Variants in IPMK observed in about 807,000 individuals in gnomAD.
IPMK encodes the protein inositol polyphosphate multikinase, also known as inositol 1,3,4,6-tetrakisphosphate 5-kinase.
A neutral mutation model predicts 45.8 loss-of-function variants in IPMK; 17 were observed. That is an observed-to-expected ratio of 0.37 (90% CI 0.25 to 0.56). The LOEUF (loss-of-function observed/expected upper bound fraction) is 0.56, where lower values mean the gene tolerates loss of function less well. Ranked by LOEUF, IPMK falls within the 20% of genes least tolerant of loss-of-function variation. The probability of loss-of-function intolerance (pLI) is 0.79; values close to 1 mark genes in which losing one functional copy is unlikely to be tolerated. For missense variants in IPMK, 399 were observed against 498.0 expected (o/e 0.80, Z 1.89); for synonymous variants, 180 against 184.3 (o/e 0.98, Z 0.19).
intron 1 of IPMK, among the ~76,000 whole-genome samples, chr10:58,249,944 C>T (rs1838857905): frequency 6.6e-6 from 1 of 152,216 alleles, no homozygotes; most frequent in Non-Finnish European, 1.5e-5. Context: ...AAGACACCAT[C>T]CCTTCCCCAA....
At chr10:58,197,334 A>C (rs547030754) in intron 5 of IPMK, among the ~76,000 whole-genome samples, 1,706 of 147,564 alleles carry the variant, frequency 0.012, 45 homozygotes, top group African/African-American at 0.039. Flanking sequence ...TAAATACATA[A>C]ATACATAAAC....
intron 1 of IPMK, among the ~76,000 whole-genome samples, chr10:58,249,993 T>C (rs1838858969): frequency 6.6e-6 from 1 of 152,254 alleles, no homozygotes; most frequent in South Asian, 2.1e-4. Context: ...ATCAGTTGGC[T>C]GGAAACCAGT....
In IPMK at chr10:58,199,339, G is replaced by A. The variant is rs1434085176; in HGVS notation, c.547-18C>T. 6 of 1,565,350 alleles carry A rather than the reference G, an allele frequency of 3.8e-6. 1 individual carries two copies. The South Asian group carries it at 5.8e-5, about 15-fold the overall frequency. On this transcript the variant is annotated intron_variant, in intron 4 of 5. Transcript: ENST00000373935. The stretch of plus-strand genomic sequence containing the variant: ...TGATAAACCTGTCAAAAAAAGCAGT[G>A]AATATTAAAAAGCTAATACTCCTTG...
chr10:58,202,464 A>G (rs1838011370), intron 4 of IPMK, among the ~76,000 whole-genome samples: 1 of 152,194 alleles, frequency 6.6e-6, no homozygotes. Context: ...AAGGAGCTCA[A>G]GAACAGCCTG....
intron 4 of IPMK, among the ~76,000 whole-genome samples, chr10:58,207,649 C>T (rs1358960869): frequency 6.6e-6 from 1 of 151,954 alleles, no homozygotes; most frequent in East Asian, 1.9e-4. Context: ...AAGTGCCCCA[C>T]TATTATTGTG....
At chr10:58,247,701 T>C (rs980913393) in intron 1 of IPMK, among the ~76,000 whole-genome samples, 2 of 152,178 alleles carry the variant, frequency 1.3e-5, no homozygotes, top group African/African-American at 2.4e-5. Flanking sequence ...ATATACCTAA[T>C]GCTAGATGGC....
rs115315201 is a variant in IPMK, at chr10:58,245,313, T to A, written c.191-7499A>T. Among the ~76,000 whole-genome samples the A allele has an allele frequency of 4.0e-3, 604 of 151,916 alleles. 11 individuals carry two copies. Among genetic ancestry groups the A allele is most frequent in the African/African-American group, 0.014 (580 of 41,342 alleles). On this transcript the variant is annotated intron_variant, in intron 1 of 5. Transcript: ENST00000373935. ...AAGAGTTGTTCAGTGGACATGAGTT[T>A]TAAAAGATGAAAAAGTAGGCTAGAA...
chr10:58,257,275 G>A (rs539707699), intron 1 of IPMK, among the ~76,000 whole-genome samples: 6 of 152,124 alleles, frequency 3.9e-5, no homozygotes, highest in South Asian at 4.1e-4. Context: ...CGGGTTGATC[G>A]CCTGAGGTCA....
intron 1 of IPMK, among the ~76,000 whole-genome samples, chr10:58,253,219 C>T (rs532537617): frequency 1.3e-5 from 2 of 152,320 alleles, no homozygotes; most frequent in East Asian, 3.9e-4. Flanking sequence ...GCTCCTCATT[C>T]ACCTTCTGCC....
intron 1 of IPMK, among the ~76,000 whole-genome samples, chr10:58,256,942 A>C (rs2790148): frequency 0.13 from 20,365 of 152,108 alleles, 1,704 homozygotes; most frequent in African/African-American, 0.24. Flanking sequence ...GCACATGCCT[A>C]TGGTCTCAGC....
intron 1 of IPMK, among the ~76,000 whole-genome samples, chr10:58,258,358 A>T (rs1564541524): frequency 1.3e-5 from 2 of 152,152 alleles, no homozygotes; most frequent in East Asian, 3.8e-4. Flanking sequence ...ATAAAACTTG[A>T]ACAGCAACAA....
intron 4 of IPMK, among the ~76,000 whole-genome samples, chr10:58,202,666 C>T (rs2132144352): frequency 6.6e-6 from 1 of 152,140 alleles, no homozygotes; most frequent in Non-Finnish European, 1.5e-5. Context: ...TCAAAACAAA[C>T]AAACAAAAAA....
At chr10:58,243,853 T>C (rs1461815875) in intron 1 of IPMK, among the ~76,000 whole-genome samples, 1 of 151,762 alleles carries the variant, frequency 6.6e-6, no homozygotes, top group Non-Finnish European at 1.5e-5. Context: ...GAGGAGACCC[T>C]CTGCCCGGCC....
At chr10:58,226,628 A>G (rs985604532) in intron 3 of IPMK, among the ~76,000 whole-genome samples, 1 of 152,182 alleles carries the variant, frequency 6.6e-6, no homozygotes, top group Non-Finnish European at 1.5e-5. Flanking sequence ...AGTGCTTTTC[A>G]GAAGACTGTA....
Position 58,196,109 on chromosome 10 carries a change from TA to T in IPMK, c.1217del (p.Leu406Ter). 1 of 1,613,418 alleles carries T rather than the reference TA, an allele frequency of 6.2e-7. No individual in the cohort carries two copies. The highest frequency in any genetic ancestry group is 8.5e-7 in the Non-Finnish European group (1 of 1,179,508). Reference protein sequence around the residue: ...DEGYVYGLKHLISVLRSILDN With the variant: ...DEGYVYGLKHXISVLRSILDN ...CTAAAATACTTCGAAGTACAGAAATTAAATGCTTTAGCCCATAAACATATCC... is the reference window on the plus strand; with the variant it reads ...CTAAAATACTTCGAAGTACAGAAATTAATGCTTTAGCCCATAAACATATCC... On this transcript the variant is annotated frameshift_variant, in exon 6 of 6. Coordinates refer to ENST00000373935, the MANE Select transcript of IPMK (RefSeq NM_152230.5). LOFTEE classifies it high-confidence loss of function.
At chr10:58,241,359 G>A (rs938037638) in intron 1 of IPMK, among the ~76,000 whole-genome samples, 2 of 152,110 alleles carry the variant, frequency 1.3e-5, no homozygotes, top group Non-Finnish European at 2.9e-5. Flanking sequence ...CTACATTTGC[G>A]GGAGGGGCAC....
At chr10:58,217,690 A>AAAAAAAG (rs1838267311) in intron 3 of IPMK, among the ~76,000 whole-genome samples, 1 of 146,808 alleles carries the variant, frequency 6.8e-6, no homozygotes, top group African/African-American at 2.5e-5. Flanking sequence ...CTCCATCTCA[A>AAAAAAAG]AAAAAAAAAA....
At chr10:58,223,143 A>G (rs1838362141) in intron 3 of IPMK, among the ~76,000 whole-genome samples, 1 of 152,176 alleles carries the variant, frequency 6.6e-6, no homozygotes, top group Non-Finnish European at 1.5e-5. Flanking sequence ...CCAAAAACCT[A>G]TTGAAATTTT....
chr10:58,248,373 A>G (rs976643240), intron 1 of IPMK, among the ~76,000 whole-genome samples: 1 of 152,236 alleles, frequency 6.6e-6, no homozygotes, highest in Admixed American at 6.5e-5. Context: ...AATATTAAAA[A>G]TAAATGCACG....
Sources: allele counts gnomAD v4.1 joint callset (sites outside exome capture counted in the v4.1 genomes callset), GRCh38; gene constraint gnomAD v4.1.1; transcripts MANE v1.5; gene names NCBI Gene and HGNC (gene_info 2026-07-23, HGNC 2026-07-21).